The following MCM9 variants were observed in gnomAD, a reference collection of about 807,000 sequenced individuals.
MCM9 encodes minichromosome maintenance 9 homologous recombination repair factor.
In MCM9, 55 loss-of-function variants were observed where a neutral mutation model predicts 72.8. The observed-to-expected ratio is 0.76, with a 90% confidence interval of 0.61 to 0.95. The LOEUF is 0.95. Among genes scored for constraint, MCM9 ranks in the 40% least tolerant of loss-of-function variants. MCM9 has a pLI of 0.00. For missense variants in MCM9, 1,279 were observed against 1,377.0 expected, an observed-to-expected ratio of 0.93 and a Z score of 1.13; for synonymous variants, 480 against 503.4, an observed-to-expected ratio of 0.95 and a Z score of 0.62.
At chr6:118,877,088 C>A (rs1369338206) in intron 8 of MCM9, among the ~76,000 whole-genome samples, 2 of 152,172 alleles carry the variant, frequency 1.3e-5, no homozygotes, top group Non-Finnish European at 2.9e-5. Context: ...GCCTAAGCAA[C>A]CTACAGAGAG....
intron 9 of MCM9, among the ~76,000 whole-genome samples, chr6:118,850,245 G>A (rs1358685108): frequency 3.3e-5 from 3 of 90,950 alleles, no homozygotes; most frequent in Middle Eastern, 6.2e-3. Context: ...ACTGCAAAGA[G>A]AGCTTGAATA....
chr6:118,856,674 T>C (rs1776572820), intron 8 of MCM9, 129 bp from the exon 9 acceptor site: 1 of 961,950 alleles, frequency 1.0e-6, no homozygotes, highest in South Asian at 1.7e-5. Flanking sequence ...AACACAGGAG[T>C]TCGAGGCCTG....
chr6:118,909,838 C>T (rs900067585), intron 8 of MCM9, among the ~76,000 whole-genome samples: 4 of 152,240 alleles, frequency 2.6e-5, no homozygotes, highest in South Asian at 2.1e-4. Context: ...AACTTAGGGC[C>T]GGGCGCAGTG....
intron 8 of MCM9, among the ~76,000 whole-genome samples, chr6:118,864,075 C>T (rs1156230867): frequency 6.7e-6 from 1 of 148,156 alleles, no homozygotes; most frequent in Non-Finnish European, 1.5e-5. Flanking sequence ...TTTTTTATTT[C>T]AATAGTTTTT....
chr6:118,861,587 T>C (rs1368381045), intron 8 of MCM9, among the ~76,000 whole-genome samples: 1 of 152,172 alleles, frequency 6.6e-6, no homozygotes, highest in Non-Finnish European at 1.5e-5. Flanking sequence ...AGGCAGGTTG[T>C]ACTGACAAGT....
intron 5 of MCM9, chr6:118,919,036 T>C (rs1054839263): frequency 6.6e-6 from 1 of 152,222 alleles, no homozygotes; most frequent in Non-Finnish European, 1.5e-5. Flanking sequence ...CAATCAGGAA[T>C]GATGATCATT....
intron 3 of MCM9, among the ~76,000 whole-genome samples, chr6:118,930,266 A>G (rs62422263): frequency 4.6e-5 from 7 of 151,950 alleles, no homozygotes; most frequent in Admixed American, 2.6e-4. Context: ...GCCCGCCACC[A>G]TGCCCGGCTA....
chr6:118,890,832 C>T (rs973671909), intron 8 of MCM9, among the ~76,000 whole-genome samples: 8 of 151,924 alleles, frequency 5.3e-5, no homozygotes, highest in Admixed American at 2.0e-4. Context: ...TAAAACAAGC[C>T]TTACATGAGG....
chr6:118,910,321 C>T (rs1197394156), intron 8 of MCM9, among the ~76,000 whole-genome samples: 8 of 151,932 alleles, frequency 5.3e-5, no homozygotes, highest in Admixed American at 1.3e-4. Flanking sequence ...GAAAGGCTAG[C>T]GTGGCCCTTT....
intron 13 of MCM9, among the ~76,000 whole-genome samples, chr6:118,824,345 C>CTTTTTTTTTTT (rs781078527): frequency 0.014 from 2,125 of 148,596 alleles, 69 homozygotes; most frequent in African/African-American, 0.05. Flanking sequence ...TTTAGTCTTT[C>CTTTTTTTTTTT]TTTTTTTTTC....
At chr6:118,870,954 T>C (rs1777559228) in intron 8 of MCM9, among the ~76,000 whole-genome samples, 1 of 151,908 alleles carries the variant, frequency 6.6e-6, no homozygotes, top group South Asian at 2.1e-4. Flanking sequence ...GTTGAATCAA[T>C]AATTAAAAGT....
At chr6:118,894,924 G>A (rs985943486) in intron 8 of MCM9, among the ~76,000 whole-genome samples, 5 of 152,184 alleles carry the variant, frequency 3.3e-5, no homozygotes, top group African/African-American at 7.2e-5. Flanking sequence ...CTGTGCGTGT[G>A]GTCGCGCCGG....
At chr6:118,836,027 T>C (rs780668880) in intron 9 of MCM9, among the ~76,000 whole-genome samples, 21 of 152,216 alleles carry the variant, frequency 1.4e-4, no homozygotes, top group Non-Finnish European at 2.9e-4. Flanking sequence ...GTTCCATCAA[T>C]ACCTAGTTTA....
At position 118,897,114 on chromosome 6, in the gene MCM9, T is replaced by C. The variant is rs139208761; in HGVS notation, c.1150+14536A>G. Reference sequence around the variant, plus strand: ...CCTGCCTCCCATAGTGTTGTGATTATAGTGAGCCCACTGCACCCAGCCCAA... The same window carrying C: ...CCTGCCTCCCATAGTGTTGTGATTACAGTGAGCCCACTGCACCCAGCCCAA... On this transcript the variant is annotated intron_variant, in intron 8 of 13. Transcript: ENST00000619706. 2.9e-3 allele frequency among the ~76,000 whole-genome samples: 443 copies of C among 152,286 alleles called. 1 individual carries two copies. The highest frequency in any genetic ancestry group is 5.1e-3 in the Non-Finnish European group (349 of 68,002).
chr6:118,867,533 G>A (rs1253208913), intron 8 of MCM9, among the ~76,000 whole-genome samples: 2 of 151,916 alleles, frequency 1.3e-5, no homozygotes, highest in East Asian at 1.9e-4. Context: ...AATTTTATAC[G>A]GCAATTTTAC....
chr6:118,904,343 ACAGTAAACAACAGTCTTCAATTTT>A (rs1431968269), intron 8 of MCM9, among the ~76,000 whole-genome samples: 1 of 152,210 alleles, frequency 6.6e-6, no homozygotes, highest in Non-Finnish European at 1.5e-5. Flanking sequence ...TGTTAGGCAT[ACAGTAAACAACAGTCTTCAATTTT>A]CACAAGCTAA....
At chr6:118,820,755 C>T (rs1206711362) in intron 13 of MCM9, among the ~76,000 whole-genome samples, 1 of 152,090 alleles carries the variant, frequency 6.6e-6, no homozygotes, top group Non-Finnish European at 1.5e-5. Context: ...GTGTGGGAGT[C>T]TAAGTTTCTT....
At chr6:118,907,447 C>T (rs1232612986) in intron 8 of MCM9, 1 of 1,611,422 alleles carries the variant, frequency 6.2e-7, no homozygotes, top group Non-Finnish European at 8.5e-7. Flanking sequence ...CACAAGATTC[C>T]ACATTAATTG....
intron 8 of MCM9, chr6:118,893,949 C>CA: frequency 5.4e-6 from 5 of 930,160 alleles, no homozygotes; most frequent in Non-Finnish European, 6.4e-6. Flanking sequence ...CTCCCCGCCG[C>CA]GGCCACGCCC....
Sources: gnomAD v4.1 joint callset for allele counts (sites outside exome capture counted in the v4.1 genomes callset) on GRCh38, gnomAD v4.1.1 for gene constraint, MANE v1.5 for transcripts, NCBI Gene and HGNC (gene_info 2026-07-23, HGNC 2026-07-21) for gene names.